The following ERP44 variants were observed in gnomAD, a reference collection of about 807,000 sequenced individuals.
ERP44 encodes the protein endoplasmic reticulum resident protein 44.
Under a neutral mutation model 53.4 loss-of-function variants are expected in ERP44, and 25 were observed. The observed-to-expected ratio is 0.47, with a 90% confidence interval of 0.34 to 0.65. The LOEUF is 0.65. Among genes scored for constraint, ERP44 ranks in the 30% least tolerant of loss-of-function variants. The pLI is 0.01. For synonymous variants in ERP44, 145 were observed against 161.2 expected (o/e 0.90, Z 0.76); for missense variants, 338 against 493.2 (o/e 0.69, Z 2.98).
intron 4 of ERP44, among the ~76,000 whole-genome samples, chr9:100,049,508 GAA>G (rs1826013980): frequency 6.6e-6 from 1 of 152,160 alleles, no homozygotes; most frequent in Non-Finnish European, 1.5e-5. Flanking sequence ...AAACATGTAA[GAA>G]TATTCTCAAC....
At chr9:100,076,639 G>A (rs1419316925) in intron 1 of ERP44, among the ~76,000 whole-genome samples, 1 of 152,252 alleles carries the variant, frequency 6.6e-6, no homozygotes, top group Non-Finnish European at 1.5e-5. Flanking sequence ...TTCATGGGCT[G>A]TAGCCAATGG....
At chr9:100,047,511 T>G (rs1825985947) in intron 4 of ERP44, among the ~76,000 whole-genome samples, 1 of 152,028 alleles carries the variant, frequency 6.6e-6, no homozygotes, top group Non-Finnish European at 1.5e-5. Flanking sequence ...GAAGTACACA[T>G]GCAAAATAAT....
At chr9:100,008,870 T>C (rs1366996807) in intron 8 of ERP44, among the ~76,000 whole-genome samples, 7 of 151,984 alleles carry the variant, frequency 4.6e-5, no homozygotes, top group Non-Finnish European at 1.5e-5. Context: ...GCCTCCCAAA[T>C]AGTGAGGACT....
At chr9:100,009,119 G>C (rs926491861) in intron 8 of ERP44, among the ~76,000 whole-genome samples, 1 of 151,988 alleles carries the variant, frequency 6.6e-6, no homozygotes, top group Admixed American at 6.6e-5. Flanking sequence ...TAATTCTAGA[G>C]CTTTTTTTTT....
intron 10 of ERP44, among the ~76,000 whole-genome samples, chr9:100,001,957 T>C (rs1011351725): frequency 1.3e-5 from 2 of 152,158 alleles, no homozygotes; most frequent in Non-Finnish European, 2.9e-5. Flanking sequence ...GCTTTATTCC[T>C]TAATTTTTAT....
Position 100,006,591 on chromosome 9 carries a change from T to C in ERP44, c.931A>G (p.Ile311Val), listed in dbSNP as rs753065804. 1 of 1,609,980 alleles carries C rather than the reference T, an allele frequency of 6.2e-7. No individual in the cohort carries two copies. Among genetic ancestry groups the C allele is most frequent in the Non-Finnish European group, 8.5e-7 (1 of 1,177,750 alleles). The change falls in exon 10 of 12, where the codon ATA becomes GTA. Residue 311 changes from isoleucine (I) to valine (V), a missense_variant. Physicochemically the swap from Ile to Val is conservative, Grantham distance 29. Around this residue, in one of 3 missense-constraint regions of ERP44, gnomAD observed 113 missense variants for 172.6 expected, o/e 0.65. Transcript: ENST00000262455. The stretch of plus-strand genomic sequence containing the variant: ...GGACAATCTGCTGGAGTTTTCTGTA[T>C]GTGCAGAAGAGGATGTCTAAATTTG... ...CDKFRHPLLHIQKTPADCPVI... is the reference protein window; with the variant it reads ...CDKFRHPLLHVQKTPADCPVI...
At chr9:100,064,224 A>G (rs1167529703) in intron 1 of ERP44, among the ~76,000 whole-genome samples, 1 of 152,188 alleles carries the variant, frequency 6.6e-6, no homozygotes, top group Non-Finnish European at 1.5e-5. Flanking sequence ...AGTAGAGACC[A>G]CCTTATTCAA....
chr9:99,994,016 G>C (rs909576237), intron 10 of ERP44, among the ~76,000 whole-genome samples: 1 of 152,124 alleles, frequency 6.6e-6, no homozygotes, highest in African/African-American at 2.4e-5. Flanking sequence ...GTGCTGGAGA[G>C]GATGTGGAGA....
intron 1 of ERP44, among the ~76,000 whole-genome samples, chr9:100,069,318 C>CA (rs1033379479): frequency 7.9e-5 from 10 of 127,240 alleles, no homozygotes; most frequent in South Asian, 7.3e-4. Context: ...CCAAACCAAC[C>CA]AAAAAAAAGA....
intron 4 of ERP44, among the ~76,000 whole-genome samples, chr9:100,033,306 C>T (rs1280591580): frequency 6.6e-6 from 1 of 152,054 alleles, no homozygotes; most frequent in Non-Finnish European, 1.5e-5. Flanking sequence ...AGAAAACTGG[C>T]CTTACACCTT....
chr9:100,023,400 T>TAAA (rs1477870459), intron 4 of ERP44, among the ~76,000 whole-genome samples: 1 of 121,174 alleles, frequency 8.3e-6, no homozygotes, highest in Non-Finnish European at 1.8e-5. Flanking sequence ...TGAGAAATCA[T>TAAA]AAAAAAAAAA....
intron 4 of ERP44, among the ~76,000 whole-genome samples, chr9:100,043,423 G>C (rs1485050294): frequency 2.6e-5 from 4 of 151,852 alleles, no homozygotes; most frequent in Non-Finnish European, 5.9e-5. Flanking sequence ...ATAAATGCTT[G>C]AAGTCATGGA....
At chr9:100,077,142 C>G (rs1049209873) in intron 1 of ERP44, among the ~76,000 whole-genome samples, 4 of 152,160 alleles carry the variant, frequency 2.6e-5, no homozygotes, top group African/African-American at 9.7e-5. Flanking sequence ...ACACTTACTC[C>G]AGATATGGGT....
At chr9:100,090,806 G>A (rs973496250) in intron 1 of ERP44, among the ~76,000 whole-genome samples, 4 of 151,692 alleles carry the variant, frequency 2.6e-5, no homozygotes, top group African/African-American at 7.3e-5. Context: ...ATATGAGTGC[G>A]TACTGTCTAT....
chr9:100,002,091 T>C (rs1412892682), intron 10 of ERP44, among the ~76,000 whole-genome samples: 2 of 151,066 alleles, frequency 1.3e-5, no homozygotes, highest in African/African-American at 4.9e-5. Context: ...TGTCCTATGC[T>C]CATAACAGGC....
intron 1 of ERP44, among the ~76,000 whole-genome samples, chr9:100,080,702 T>C (rs920066068): frequency 6.6e-6 from 1 of 151,482 alleles, no homozygotes; most frequent in African/African-American, 2.4e-5. Context: ...ATGAAGAGAG[T>C]AGTGAATCCT....
In ERP44 at chr9:99,981,654, G is replaced by C. The variant is rs1216073926; in HGVS notation, c.*958C>G. 1.3e-5 allele frequency: 2 copies of C among 152,528 alleles called. No individual in the cohort carries two copies. Among genetic ancestry groups the C allele is most frequent in the Middle Eastern group, 3.2e-3 (1 of 316 alleles). 9.4% of individuals were successfully genotyped at this position (152,528 alleles called of 1,614,324 possible). ...CCTGGGGAAATCAGGGAATCTAGAG[G>C]GGGTAGGGTCCTCTAACCATTTTAT... On this transcript the variant is annotated 3_prime_UTR_variant, in exon 12 of 12. Coordinates refer to ENST00000262455, the MANE Select transcript of ERP44 (RefSeq NM_015051.3).
intron 2 of ERP44, among the ~76,000 whole-genome samples, 197 bp downstream of exon 2, chr9:100,059,903 T>G (rs1826124635): frequency 6.6e-6 from 1 of 152,194 alleles, no homozygotes; most frequent in African/African-American, 2.4e-5. Flanking sequence ...ATGGTATCTA[T>G]ATCAAGTTAA....
intron 8 of ERP44, among the ~76,000 whole-genome samples, chr9:100,014,660 GA>G (rs1830511334): frequency 6.6e-6 from 1 of 152,314 alleles, no homozygotes; most frequent in African/African-American, 2.4e-5. Flanking sequence ...TATTTGTCCA[GA>G]AAGAGCTTTA....
Sources: gnomAD v4.1 joint callset for allele counts (sites outside exome capture counted in the v4.1 genomes callset) on GRCh38, gnomAD v4.1.1 for gene constraint, gnomAD v4.1.1 regional missense constraint, MANE v1.5 for transcripts, NCBI Gene and HGNC (gene_info 2026-07-23, HGNC 2026-07-21) for gene names.